Variants in SUPT3H observed in about 807,000 individuals in gnomAD.
SUPT3H encodes SPT3 homolog, SAGA and STAGA complex component.
In SUPT3H, 44 loss-of-function variants were observed where a neutral mutation model predicts 44.3. The observed-to-expected ratio is 0.99, with a 90% CI of 0.78 to 1.28. The LOEUF (loss-of-function observed/expected upper bound fraction) is 1.28. Ranked by LOEUF, SUPT3H falls within the 50% of genes most tolerant of loss-of-function variation. The probability of loss-of-function intolerance (pLI) is 0.00; values close to 1 mark genes in which losing one functional copy is unlikely to be tolerated. For synonymous variants in SUPT3H, 124 were observed against 125.6 expected, an observed-to-expected ratio of 0.99 and a Z score of 0.09; for missense variants, 380 against 387.1, an observed-to-expected ratio of 0.98 and a Z score of 0.15.
chr6:45,204,592 C>A (rs1762952876), intron 2 of SUPT3H, among the ~76,000 whole-genome samples: 2 of 152,162 alleles, frequency 1.3e-5, no homozygotes, highest in African/African-American at 2.4e-5. Context: ...CTGCTTCAAT[C>A]TTATGTGTTT....
In SUPT3H at chr6:45,287,704, A is replaced by G. The variant is rs184911451; in HGVS notation, c.101+77497T>C. Among the ~76,000 whole-genome samples, 326 of 152,298 alleles carry G rather than the reference A, an allele frequency of 2.1e-3. 2 individuals carry two copies. Among genetic ancestry groups the G allele is most frequent in the African/African-American group, 7.5e-3 (311 of 41,576 alleles). The stretch of plus-strand genomic sequence containing the variant: ...GATGAATAGGTGTAATGATTATGCA[A>G]TGTCAAGGTACTTAATGCCAATGAA... On this transcript the variant is annotated intron_variant, in intron 2 of 10. Transcript: ENST00000371459.
intron 3 of SUPT3H, among the ~76,000 whole-genome samples, chr6:45,036,096 A>G (rs1787628429): frequency 6.6e-6 from 1 of 152,218 alleles, no homozygotes; most frequent in Non-Finnish European, 1.5e-5. Context: ...GGGACACAGC[A>G]TTGAATAAAA....
chr6:44,931,810 T>C (rs1770639645), intron 10 of SUPT3H, among the ~76,000 whole-genome samples: 2 of 152,180 alleles, frequency 1.3e-5, no homozygotes, highest in Admixed American at 6.5e-5. Flanking sequence ...TCATGACTTT[T>C]ATGAATAGTA....
chr6:45,193,522 C>T (rs1319705488), intron 2 of SUPT3H, among the ~76,000 whole-genome samples: 1 of 152,042 alleles, frequency 6.6e-6, no homozygotes, highest in Admixed American at 6.6e-5. Flanking sequence ...AATAAATACT[C>T]CTTCATTGAA....
In SUPT3H at chr6:44,828,267, G is replaced by C. The variant is rs1310077846; in HGVS notation, c.*1549C>G. The stretch of plus-strand genomic sequence containing the variant: ...CCAAGGAAAATAAGAATGATAAAAA[G>C]TTTAATCATAATCATACATTTTAAC... On this transcript the variant is annotated 3_prime_UTR_variant, in exon 11 of 11. Transcript: ENST00000371459. 6.7e-6 allele frequency among the ~76,000 whole-genome samples: 1 copy of C among 149,332 alleles called. No homozygotes were observed. Among genetic ancestry groups the C allele is most frequent in the Admixed American group, 6.7e-5 (1 of 15,026 alleles).
intron 10 of SUPT3H, among the ~76,000 whole-genome samples, chr6:44,916,457 T>C (rs1276945757): frequency 6.6e-6 from 1 of 152,176 alleles, no homozygotes; most frequent in Non-Finnish European, 1.5e-5. Flanking sequence ...GTACTCAGAA[T>C]GGGTCTGTTT....
chr6:45,159,083 T>C (rs558793702), intron 2 of SUPT3H: 10 of 152,340 alleles, frequency 6.6e-5, no homozygotes, highest in African/African-American at 2.4e-4. Flanking sequence ...TCCTCCCCAC[T>C]GAAGGGGATG....
intron 2 of SUPT3H, among the ~76,000 whole-genome samples, chr6:45,130,986 G>C (rs578081426): frequency 6.6e-6 from 1 of 151,878 alleles, no homozygotes; most frequent in African/African-American, 2.4e-5. Context: ...CAAAGTGCTG[G>C]GACTACAGGT....
chr6:45,318,253 G>C (rs1784990241), intron 2 of SUPT3H, among the ~76,000 whole-genome samples: 1 of 152,058 alleles, frequency 6.6e-6, no homozygotes, highest in African/African-American at 2.4e-5. Context: ...TTATTAACAG[G>C]GATTGTGGAG....
chr6:45,239,171 T>C (rs1171353642), intron 2 of SUPT3H, among the ~76,000 whole-genome samples: 1 of 152,234 alleles, frequency 6.6e-6, no homozygotes, highest in Non-Finnish European at 1.5e-5. Context: ...ACACAATTAA[T>C]TGAAAGTGCT....
In SUPT3H at chr6:44,940,501, T is replaced by C. The variant is rs1772224632; in HGVS notation, c.802-7738A>G. 2.0e-5 allele frequency among the ~76,000 whole-genome samples: 3 copies of C among 152,146 alleles called. No individual in the cohort carries two copies. The South Asian group carries it at 6.2e-4, about 31-fold the overall frequency. ...TCCATGTGCTCATAAGAAGAATGCA[T>C]ATTCTGCAGTTGTTGGGTAGAATGT... On this transcript the variant is annotated intron_variant, in intron 9 of 10. Coordinates refer to ENST00000371459, the MANE Select transcript of SUPT3H (RefSeq NM_003599.4).
intron 9 of SUPT3H, 114 bp from the exon 10 acceptor site, chr6:44,932,877 C>T (rs887036374): frequency 1.8e-5 from 10 of 563,062 alleles, no homozygotes; most frequent in Non-Finnish European, 2.4e-5. Flanking sequence ...CCTTAGGATG[C>T]ACATCACTAC....
chr6:44,927,958 C>T (rs543207308), intron 10 of SUPT3H, among the ~76,000 whole-genome samples: 1 of 152,164 alleles, frequency 6.6e-6, no homozygotes, highest in African/African-American at 2.4e-5. Context: ...AAAAATATAC[C>T]ATAGCTACTA....
intron 10 of SUPT3H, among the ~76,000 whole-genome samples, chr6:44,919,023 T>C (rs1314969038): frequency 6.6e-6 from 1 of 152,174 alleles, no homozygotes; most frequent in African/African-American, 2.4e-5. Context: ...ACATAGCAAG[T>C]CTCCTTTAGA....
chr6:45,017,593 T>G (rs1784488658), intron 4 of SUPT3H, among the ~76,000 whole-genome samples: 1 of 152,038 alleles, frequency 6.6e-6, no homozygotes, highest in Non-Finnish European at 1.5e-5. Context: ...CACCATTTAT[T>G]AAATAGGGAA....
intron 2 of SUPT3H, chr6:45,323,086 C>T: frequency 1.6e-6 from 1 of 609,184 alleles, no homozygotes; most frequent in East Asian, 3.0e-5. Context: ...GGTTGTGAAA[C>T]AAAACACTGA....
chr6:44,968,682 C>A (rs1027696402), intron 6 of SUPT3H, among the ~76,000 whole-genome samples: 2 of 152,084 alleles, frequency 1.3e-5, no homozygotes. Context: ...CCAACCTATC[C>A]TGCATACTAG....
intron 3 of SUPT3H, among the ~76,000 whole-genome samples, chr6:45,075,276 C>T (rs1185573470): frequency 2.0e-5 from 3 of 151,976 alleles, no homozygotes; most frequent in African/African-American, 7.2e-5. Flanking sequence ...TTAACCAAGG[C>T]CTGAGAAAAG....
chr6:45,027,770 G>C (rs1037858730), intron 3 of SUPT3H, among the ~76,000 whole-genome samples: 1 of 152,124 alleles, frequency 6.6e-6, no homozygotes, highest in Non-Finnish European at 1.5e-5. Flanking sequence ...ATGTGTTTAT[G>C]TCATCCTTCT....
Sources: allele counts gnomAD v4.1 joint callset (sites outside exome capture counted in the v4.1 genomes callset), GRCh38; gene constraint gnomAD v4.1.1; transcripts MANE v1.5; gene names NCBI Gene and HGNC (gene_info 2026-07-23, HGNC 2026-07-21).